Variants in CEP295 observed in about 807,000 individuals in gnomAD.
CEP295 encodes the protein centrosomal protein 295.
In CEP295, 190 loss-of-function variants were observed where a neutral mutation model predicts 291.6. That is an observed-to-expected ratio of 0.65 (90% CI 0.58 to 0.73). The LOEUF is 0.73. CEP295 is among the 30% of genes least tolerant of loss of function. The pLI is 0.00. For synonymous variants in CEP295, 993 were observed against 1,038.8 expected (o/e 0.96, Z 0.85); for missense variants, 2,863 against 2,949.4 (o/e 0.97, Z 0.68).
At chr11:93,704,147 T>C (rs1479138197) in intron 17 of CEP295, among the ~76,000 whole-genome samples, 5 of 152,132 alleles carry the variant, frequency 3.3e-5, no homozygotes, top group African/African-American at 1.2e-4. Context: ...TAAATAATTT[T>C]CTCGATCAAA....
chr11:93,675,688 C>A, intron 6 of CEP295, 22 bp downstream of exon 6: 2 of 1,143,226 alleles, frequency 1.7e-6, no homozygotes, highest in Non-Finnish European at 2.5e-6. Context: ...ATTGTTTCTT[C>A]ATGCCCTCGC....
chr11:93,686,545 A>G (rs1158605324), intron 9 of CEP295, among the ~76,000 whole-genome samples: 1 of 152,194 alleles, frequency 6.6e-6, no homozygotes, highest in African/African-American at 2.4e-5. Flanking sequence ...CCTTACTTTT[A>G]AATATTGGCA....
rs1049116870 is a variant in CEP295 at position 93,729,861 on chromosome 11, T to C, written c.7568-9T>C. 1 of 1,539,362 alleles carries C rather than the reference T, an allele frequency of 6.5e-7. No individual in the cohort carries two copies. The highest frequency in any genetic ancestry group is 2.4e-5 in the East Asian group (1 of 40,872). ...TGTTTACAACTTGATTTCACTTTTCTTTCCTCAGGTTCATCTGTGAGTCGT... is the reference window on the plus strand; with the variant it reads ...TGTTTACAACTTGATTTCACTTTTCCTTCCTCAGGTTCATCTGTGAGTCGT... On this transcript the variant is annotated splice_polypyrimidine_tract_variant and intron_variant, in intron 27 of 29. Coordinates refer to ENST00000325212, the MANE Select transcript of CEP295 (RefSeq NM_033395.2).
intron 9 of CEP295, 34 bp from the exon 10 acceptor site, chr11:93,687,610 C>A: frequency 2.5e-6 from 3 of 1,201,174 alleles, no homozygotes; most frequent in South Asian, 1.4e-5. Context: ...ACAATAGATG[C>A]TAAATAAGTT....
In CEP295 at chr11:93,698,771, G is replaced by A. The variant is rs1265969382; in HGVS notation, c.3859G>A (p.Gly1287Ser). The change falls in exon 15 of 30, where the codon GGT becomes AGT. Residue 1287 changes from glycine to serine, a missense_variant. Gly to Ser is a moderately conservative substitution (Grantham distance 56, BLOSUM62 0). Transcript: ENST00000325212. ...TQENTSSEQT[G>S]SSSFIPQLVQ... ...AGAAAATACATCTTCTGAACAAACT[G>A]GTTCATCTTCATTCATACCCCAGTT... 5 of 1,551,482 alleles carry A rather than the reference G, an allele frequency of 3.2e-6. No homozygotes were observed. Among genetic ancestry groups the A allele is most frequent in the Admixed American group, 3.9e-5 (2 of 50,976 alleles).
rs1402886678 is a variant in CEP295, at chr11:93,723,265, A to G, written c.6172A>G (p.Ile2058Val). Residue 2058 changes from isoleucine (I) to valine (V), a missense_variant, in exon 21 of 30, where the codon ATA (isoleucine) becomes GTA (valine). Transcript: ENST00000325212. ...CAAGTACATTAATGAAGCAAATTTGATACCTGAAAAAACAGATTTGCAAGG... is the reference window on the plus strand; with the variant it reads ...CAAGTACATTAATGAAGCAAATTTGGTACCTGAAAAAACAGATTTGCAAGG... ...IDKYINEANLIPEKTDLQELE... is the reference protein window; with the variant it reads ...IDKYINEANLVPEKTDLQELE... 6.6e-7 allele frequency: 1 copy of G among 1,524,348 alleles called. No individual in the cohort carries two copies. The highest frequency in any genetic ancestry group is 8.8e-7 in the Non-Finnish European group (1 of 1,131,510). The allele number at this position is 1,524,348 out of a possible 1,614,324, so 94.4% of individuals were successfully genotyped here. A position where few individuals can be genotyped will look rare whatever the true frequency, so the allele number is the denominator to read the frequency against.
At chr11:93,724,487 C>T (rs563750713) in intron 22 of CEP295, 112 bp downstream of exon 22, 10 of 1,096,418 alleles carry the variant, frequency 9.1e-6, no homozygotes, top group South Asian at 5.6e-5. Flanking sequence ...ACATGGAAGT[C>T]TGGGCACAGT....
At chr11:93,665,465 G>A (rs1444879208) in intron 1 of CEP295, among the ~76,000 whole-genome samples, 2 of 152,146 alleles carry the variant, frequency 1.3e-5, no homozygotes, top group African/African-American at 4.8e-5. Flanking sequence ...CCCAGCAACT[G>A]GGGAGGCTGA....
At chr11:93,692,828 C>T (rs2135056355) in intron 12 of CEP295, among the ~76,000 whole-genome samples, 1 of 151,748 alleles carries the variant, frequency 6.6e-6, no homozygotes, top group South Asian at 2.1e-4. Flanking sequence ...CAAAAATCAG[C>T]TGGGTGTGGT....
In CEP295 at chr11:93,697,513, T is replaced by C; in HGVS notation, c.2601T>C (p.Ala867=). 1 of 1,551,700 alleles carries C rather than the reference T, an allele frequency of 6.4e-7. No homozygotes were observed. Among genetic ancestry groups the C allele is most frequent in the Non-Finnish European group, 8.7e-7 (1 of 1,146,976 alleles). ...QKKVLQATQE[A]QEQLLLCKQK... ...AAGTTCTTCAGGCAACTCAGGAAGC[T>C]CAGGAACAGTTGCTTTTGTGCAAAC... The change falls in exon 15 of 30, where the codon GCT becomes GCC. Residue 867 remains alanine (A), a synonymous_variant. Transcript: ENST00000325212.
At position 93,700,142 on chromosome 11, in the gene CEP295, C is replaced by G; in HGVS notation, c.5230C>G (p.Gln1744Glu). 4 of 1,551,282 alleles carry G rather than the reference C, an allele frequency of 2.6e-6. No homozygotes were observed. Among genetic ancestry groups the G allele is most frequent in the Non-Finnish European group, 3.5e-6 (4 of 1,146,866 alleles). Residue 1744 changes from glutamine (Q) to glutamate (E), a missense_variant, in exon 15 of 30, where the codon CAG (glutamine) becomes GAG (glutamate). Transcript: ENST00000325212. The part of the protein sequence containing the change: ...QRQTALQQQI[Q>E]KHEETLKDFF... ...ACAAACAGCATTGCAGCAGCAGATA[C>G]AGAAACATGAAGAGACTTTGAAGGA...
chr11:93,667,439 A>G (rs1358908575), intron 2 of CEP295, among the ~76,000 whole-genome samples, 168 bp from the exon 3 acceptor site: 1 of 152,210 alleles, frequency 6.6e-6, no homozygotes, highest in Non-Finnish European at 1.5e-5. Context: ...CTTTTTGTAC[A>G]TTCACTCAGA....
intron 18 of CEP295, among the ~76,000 whole-genome samples, chr11:93,708,581 C>T (rs1253306249): frequency 6.6e-6 from 1 of 152,090 alleles, no homozygotes; most frequent in African/African-American, 2.4e-5. Context: ...GCTTCCAAAT[C>T]TTGGCTATTG....
rs1017806016 is a variant in CEP295, at chr11:93,730,135, A to G, written c.7754A>G (p.Lys2585Arg). The G allele has an allele frequency of 9.7e-6, 15 of 1,551,156 alleles. No homozygotes were observed. In the East Asian group the frequency reaches 3.7e-4, roughly 38 times the overall value. The change falls in exon 29 of 30, where the codon AAA becomes AGA. Residue 2585 changes from lysine to arginine, a missense_variant. By Grantham distance (26) the Lys-to-Arg change is conservative (BLOSUM62 2). Coordinates refer to ENST00000325212, the MANE Select transcript of CEP295 (RefSeq NM_033395.2). ...TATGCCCAAAACAGAGCAAGGGCAA[A>G]AGAATTCCATAAGGTGAGTATAACT... Reference protein sequence around the residue: ...EAYAQNRARAKEFHKKTLEKL... With the variant: ...EAYAQNRARAREFHKKTLEKL...
chr11:93,726,992 T>G lies in CEP295; in HGVS notation c.6516T>G (p.Phe2172Leu). ...ENIIGGSEQC[F>L]EQLQPEYSSQ... ...TTAATGCAGGATCTGAACAATGTTT[T>G]GAACAGCTTCAGCCAGAATATTCTT... The change falls in exon 24 of 30, where the codon TTT becomes TTG. Residue 2172 changes from phenylalanine (F) to leucine (L), a missense_variant. This residue lies in a region of CEP295 where 2,295 missense variants were observed against 2,335.7 expected (regional missense o/e 0.98). Transcript: ENST00000325212. 1 of 1,520,464 alleles carries G rather than the reference T, an allele frequency of 6.6e-7. No individual in the cohort carries two copies. Among genetic ancestry groups the G allele is most frequent in the Middle Eastern group, 1.7e-4 (1 of 5,806 alleles). The allele number at this position is 1,520,464 out of a possible 1,614,324, so 94.2% of individuals were successfully genotyped here.
chr11:93,713,745 C>A (rs932893479), intron 18 of CEP295, among the ~76,000 whole-genome samples: 1 of 152,150 alleles, frequency 6.6e-6, no homozygotes, highest in African/African-American at 2.4e-5. Context: ...TCCCTTTGAA[C>A]AAACTCTATC....
chr11:93,725,940 C>A, intron 23 of CEP295, 109 bp downstream of exon 23: 1 of 792,630 alleles, frequency 1.3e-6, no homozygotes, highest in Non-Finnish European at 2.0e-6. Flanking sequence ...CTGCTCTCAC[C>A]CCTATCCTGG....
At chr11:93,681,648 T>A (rs1950972455) in intron 7 of CEP295, among the ~76,000 whole-genome samples, 1 of 151,752 alleles carries the variant, frequency 6.6e-6, no homozygotes, top group South Asian at 2.1e-4. Context: ...TCTCCTGACC[T>A]CATGATCCGC....
chr11:93,696,760 G>C lies in CEP295; in HGVS notation c.1848G>C (p.Ser616=), dbSNP rs185448327. 4 of 1,551,334 alleles carry C rather than the reference G, an allele frequency of 2.6e-6. No individual in the cohort carries two copies. Residue 616 remains serine (S), a synonymous_variant, in exon 15 of 30, where the codon TCG becomes TCC. Coordinates refer to ENST00000325212, the MANE Select transcript of CEP295 (RefSeq NM_033395.2). ...CTATGTTAAAAGGAAGGTGCCCATC[G>C]GTGTCAGCTCCATCATTGATAACTG... is the stretch of plus-strand genomic sequence containing the variant. ...YQTMLKGRCP[S]VSAPSLITDS...
Sources: allele counts gnomAD v4.1 joint callset (sites outside exome capture counted in the v4.1 genomes callset), GRCh38; gene constraint gnomAD v4.1.1; regional missense constraint gnomAD v4.1.1; transcripts MANE v1.5; gene names NCBI Gene and HGNC (gene_info 2026-07-23, HGNC 2026-07-21).